The following DLGAP1 variants were observed in gnomAD, a reference collection of about 807,000 sequenced individuals.
DLGAP1 encodes the protein disks large-associated protein 1.
A neutral mutation model predicts 90.8 loss-of-function variants in DLGAP1; 11 were observed. That is an observed-to-expected ratio of 0.12 (90% CI 0.08 to 0.20). The LOEUF (loss-of-function observed/expected upper bound fraction) is 0.20, where lower values mean the gene tolerates loss of function less well. DLGAP1 is among the 10% of genes least tolerant of loss of function. DLGAP1 has a pLI of 1.00. For missense variants in DLGAP1, 1,050 were observed against 1,333.8 expected, an observed-to-expected ratio of 0.79 and a Z score of 3.31; for synonymous variants, 558 against 540.7, an observed-to-expected ratio of 1.03 and a Z score of -0.44.
intron 7 of DLGAP1, among the ~76,000 whole-genome samples, chr18:3,600,837 GAT>G (rs1157418037): frequency 0.01 from 606 of 58,516 alleles, 25 homozygotes; most frequent in East Asian, 0.022. Flanking sequence ...GATATATATA[GAT>G]ATATATAGAT....
chr18:3,696,581 A>C (rs1398732462), intron 7 of DLGAP1, among the ~76,000 whole-genome samples: 1 of 152,066 alleles, frequency 6.6e-6, no homozygotes, highest in African/African-American at 2.4e-5. Flanking sequence ...TTTTGAAGTG[A>C]CACTTGGTTC....
chr18:4,020,047 T>C (rs554242048), intron 2 of DLGAP1, among the ~76,000 whole-genome samples: 8 of 152,358 alleles, frequency 5.3e-5, no homozygotes, highest in African/African-American at 1.9e-4. Flanking sequence ...TGAGTTTTTA[T>C]CTATACAAAG....
chr18:3,844,109 C>T (rs1598972871), intron 4 of DLGAP1, among the ~76,000 whole-genome samples: 1 of 152,118 alleles, frequency 6.6e-6, no homozygotes, highest in Non-Finnish European at 1.5e-5. Flanking sequence ...GCTCGTCTCC[C>T]GTGCATAAAA....
chr18:3,656,501 T>C (rs903985579), intron 7 of DLGAP1, among the ~76,000 whole-genome samples: 9 of 152,196 alleles, frequency 5.9e-5, no homozygotes, highest in Admixed American at 5.9e-4. Context: ...CTAGAGATCA[T>C]CTGATGCATG....
intron 3 of DLGAP1, among the ~76,000 whole-genome samples, chr18:3,984,557 CA>C (rs2149037209): frequency 6.6e-6 from 1 of 152,308 alleles, no homozygotes; most frequent in African/African-American, 2.4e-5. Flanking sequence ...TTCACCCTGT[CA>C]CCCAGGCTGG....
intron 3 of DLGAP1, among the ~76,000 whole-genome samples, chr18:3,944,561 ACTCTCAGCTGCCT>A (rs1199131164): frequency 1.3e-5 from 2 of 151,972 alleles, no homozygotes; most frequent in South Asian, 4.2e-4. Context: ...TCTAACACTG[ACTCTCAGCTGCCT>A]CAGCCAACTT....
Position 4,325,160 on chromosome 18 carries a change from A to G in DLGAP1, c.-267+129846T>C, listed in dbSNP as rs115538467. Among the ~76,000 whole-genome samples the G allele has an allele frequency of 5.4e-3, 824 of 152,328 alleles. 11 individuals carry two copies. The highest frequency in any genetic ancestry group is 0.018 in the African/African-American group (769 of 41,584). ...CCTTGATCTGATATACAACTTTAGC[A>G]AAGTTTCAGGAAACTAAATCAATCT... On this transcript the variant is annotated intron_variant, in intron 1 of 12. Coordinates refer to ENST00000315677, the MANE Select transcript of DLGAP1 (RefSeq NM_004746.4).
intron 7 of DLGAP1, among the ~76,000 whole-genome samples, chr18:3,676,116 C>A (rs1326289413): frequency 2.0e-5 from 3 of 152,240 alleles, no homozygotes; most frequent in Admixed American, 2.0e-4. Context: ...TAGATGCCGG[C>A]AGTTGTGCCA....
intron 7 of DLGAP1, among the ~76,000 whole-genome samples, chr18:3,717,468 G>A (rs948087371): frequency 2.6e-5 from 4 of 152,186 alleles, no homozygotes; most frequent in African/African-American, 7.2e-5. Flanking sequence ...CTCTGCAGAA[G>A]TTAGCACTTA....
At chr18:4,296,836 C>T (rs1000553188) in intron 1 of DLGAP1, among the ~76,000 whole-genome samples, 1 of 152,220 alleles carries the variant, frequency 6.6e-6, no homozygotes, top group Non-Finnish European at 1.5e-5. Flanking sequence ...GAGCGGGTGG[C>T]ATCTGACCAA....
chr18:3,903,710 G>C (rs2071834636), intron 3 of DLGAP1, among the ~76,000 whole-genome samples: 1 of 152,204 alleles, frequency 6.6e-6, no homozygotes, highest in Non-Finnish European at 1.5e-5. Context: ...ATGTCTGTGA[G>C]TTTGTTAGGT....
intron 9 of DLGAP1, among the ~76,000 whole-genome samples, chr18:3,560,195 C>T (rs551344755): frequency 1.4e-5 from 2 of 142,716 alleles, no homozygotes; most frequent in East Asian, 4.5e-4. Flanking sequence ...GTGAGATGAC[C>T]GGATCACGAG....
At chr18:4,362,639 G>A (rs2081654303) in intron 1 of DLGAP1, among the ~76,000 whole-genome samples, 1 of 152,138 alleles carries the variant, frequency 6.6e-6, no homozygotes, top group South Asian at 2.1e-4. Flanking sequence ...GATGAAAAAA[G>A]CCCTGGAGAT....
At chr18:3,745,002 G>T (rs565114382) in intron 5 of DLGAP1, among the ~76,000 whole-genome samples, 37 of 152,188 alleles carry the variant, frequency 2.4e-4, no homozygotes, top group Non-Finnish European at 5.0e-4. Context: ...ACTAAAAAAA[G>T]GAATGAAGTA....
chr18:3,850,412 G>A (rs890626373), intron 4 of DLGAP1, among the ~76,000 whole-genome samples: 3 of 151,884 alleles, frequency 2.0e-5, no homozygotes, highest in Non-Finnish European at 2.9e-5. Context: ...TTAGCATGTG[G>A]GATGTCGATT....
chr18:3,745,017 T>C (rs1339175508), intron 5 of DLGAP1, among the ~76,000 whole-genome samples: 2 of 152,248 alleles, frequency 1.3e-5, no homozygotes, highest in East Asian at 1.9e-4. Context: ...GAAGTATTGA[T>C]ACATGCTATA....
intron 1 of DLGAP1, among the ~76,000 whole-genome samples, chr18:4,283,588 T>C (rs1244439368): frequency 6.6e-6 from 1 of 152,192 alleles, no homozygotes; most frequent in African/African-American, 2.4e-5. Flanking sequence ...AGAAACCTTG[T>C]GTACAACTTA....
chr18:4,294,935 A>T (rs2079939481), intron 1 of DLGAP1: 1 of 152,466 alleles, frequency 6.6e-6, no homozygotes, highest in East Asian at 1.9e-4. Context: ...TCCTCCTAAC[A>T]GTCCTTCTCT....
At chr18:3,834,141 C>T (rs990344944) in intron 4 of DLGAP1, among the ~76,000 whole-genome samples, 1 of 151,840 alleles carries the variant, frequency 6.6e-6, no homozygotes, top group African/African-American at 2.4e-5. Context: ...TCCGTCTCTA[C>T]TAAAAATACA....
Sources: allele counts gnomAD v4.1 joint callset (sites outside exome capture counted in the v4.1 genomes callset), GRCh38; gene constraint gnomAD v4.1.1; transcripts MANE v1.5; gene names NCBI Gene and HGNC (gene_info 2026-07-23, HGNC 2026-07-21).